The following ROBO2 variants were observed in gnomAD, a reference collection of about 807,000 sequenced individuals.
The protein encoded by ROBO2 is roundabout homolog 2.
ROBO2 carries 53 observed loss-of-function variants against 160.8 expected under a neutral mutation model. The ratio of observed to expected loss-of-function variants is 0.33; its 90% confidence interval spans 0.26 to 0.41. The LOEUF (loss-of-function observed/expected upper bound fraction) is 0.41. Among genes scored for constraint, ROBO2 ranks in the 10% least tolerant of loss-of-function variants. The pLI, the probability that ROBO2 is intolerant of heterozygous loss-of-function variation, is 1.00. For synonymous variants in ROBO2, 664 were observed against 611.7 expected, an observed-to-expected ratio of 1.09 and a Z score of -1.26; for missense variants, 1,577 against 1,722.4, an observed-to-expected ratio of 0.92 and a Z score of 1.49.
chr3:76,270,667 T>C lies in ROBO2; in HGVS notation c.109+333065T>C, dbSNP rs144420334. 2.3e-3 allele frequency among the ~76,000 whole-genome samples: 352 copies of C among 152,054 alleles called. 3 individuals carry two copies. The highest frequency in any genetic ancestry group is 8.1e-3 in the African/African-American group (337 of 41,514). ...ACAAAAGCAATGTTGGATAAATGAG[T>C]AAAACAAATGACAAACCAATGATAC... On this transcript the variant is annotated intron_variant, in intron 2 of 26. Coordinates refer to the ROBO2 transcript ENST00000487694.
chr3:76,300,941 T>C (rs1495572), intron 2 of ROBO2, among the ~76,000 whole-genome samples: 16,127 of 152,092 alleles, frequency 0.11, 1,693 homozygotes, highest in East Asian at 0.41. Context: ...GACATACTCT[T>C]TATCTAAGCA....
intron 2 of ROBO2, among the ~76,000 whole-genome samples, chr3:77,019,603 A>G (rs1050461512): frequency 3.3e-5 from 5 of 152,176 alleles, no homozygotes; most frequent in African/African-American, 1.2e-4. Context: ...CACACAAGGA[A>G]TATGTAGGGA....
At chr3:77,048,275 A>C (rs1460538328) in intron 1 of ROBO2, among the ~76,000 whole-genome samples, 1 of 152,108 alleles carries the variant, frequency 6.6e-6, no homozygotes, top group East Asian at 1.9e-4. Context: ...TCTTCAGGTG[A>C]CTGATTAAGA....
rs141864870 is a variant in ROBO2 at position 77,238,009 on chromosome 3, T to C, written c.388+139669T>C. Among the ~76,000 whole-genome samples the C allele has an allele frequency of 2.3e-3, 345 of 152,340 alleles. 3 individuals are homozygous for C. In the South Asian group the frequency reaches 0.032, roughly 14 times the overall value. On this transcript the variant is annotated intron_variant, in intron 2 of 25. Coordinates refer to ENST00000461745, the Ensembl canonical transcript of ROBO2. Reference sequence around the variant, plus strand: ...ACATATGATATGGAGCATCTTTTCATATGCTTATTTGCCATGTACACATCT... The same window carrying C: ...ACATATGATATGGAGCATCTTTTCACATGCTTATTTGCCATGTACACATCT...
At position 76,207,108 on chromosome 3, in the gene ROBO2, C is replaced by G. The variant is rs1425802975; in HGVS notation, c.109+269506C>G. 3.9e-5 allele frequency among the ~76,000 whole-genome samples: 6 copies of G among 152,258 alleles called. No individual in the cohort carries two copies. The East Asian group carries it at 9.6e-4, about 24-fold the overall frequency. ...CAGAAGCATTTAAGCAGGAAATCAA[C>G]AGTATATTAGACAAGGCTTTAAACC... On this transcript the variant is annotated intron_variant, in intron 2 of 26. Transcript: ENST00000487694.
intron 2 of ROBO2, among the ~76,000 whole-genome samples, chr3:76,188,514 T>A (rs1701864976): frequency 6.6e-6 from 1 of 152,024 alleles, no homozygotes; most frequent in Non-Finnish European, 1.5e-5. Context: ...TTGAGGGATA[T>A]GATGCTGCTG....
chr3:76,304,902 G>C (rs551180047), intron 2 of ROBO2, among the ~76,000 whole-genome samples: 2 of 151,474 alleles, frequency 1.3e-5, no homozygotes, highest in East Asian at 3.9e-4. Flanking sequence ...GCCCTTTCCA[G>C]CACTCAAGCG....
At chr3:75,938,064 A>G (rs1947879283) in intron 2 of ROBO2, among the ~76,000 whole-genome samples, 1 of 151,842 alleles carries the variant, frequency 6.6e-6, no homozygotes, top group Non-Finnish European at 1.5e-5. Context: ...TCAAGAACCT[A>G]TTCTTAAAGG....
At chr3:75,932,399 TTATC>T (rs1315280695) in intron 1 of ROBO2, among the ~76,000 whole-genome samples, 1 of 152,184 alleles carries the variant, frequency 6.6e-6, no homozygotes, top group African/African-American at 2.4e-5. Flanking sequence ...TGAAATCTGT[TTATC>T]TATAATTTTT....
chr3:76,182,688 G>A (rs1701567493), intron 2 of ROBO2, among the ~76,000 whole-genome samples: 1 of 152,094 alleles, frequency 6.6e-6, no homozygotes, highest in Non-Finnish European at 1.5e-5. Flanking sequence ...CCCTTTGAAT[G>A]ACTATAGTAC....
At chr3:77,099,183 T>G (rs2071561089) in intron 2 of ROBO2, among the ~76,000 whole-genome samples, 1 of 150,764 alleles carries the variant, frequency 6.6e-6, no homozygotes. Flanking sequence ...GCGATTCTCC[T>G]GTCTCAGCCT....
chr3:76,106,601 T>A (rs1231432441), intron 2 of ROBO2, among the ~76,000 whole-genome samples: 1 of 152,078 alleles, frequency 6.6e-6, no homozygotes, highest in Non-Finnish European at 1.5e-5. Flanking sequence ...CTCTCTTCCA[T>A]GGCCTCAAAT....
At chr3:76,319,999 AT>A (rs2072383106) in intron 2 of ROBO2, among the ~76,000 whole-genome samples, 1 of 151,974 alleles carries the variant, frequency 6.6e-6, no homozygotes, top group South Asian at 2.1e-4. Flanking sequence ...TTGTGAACCC[AT>A]TTCTTTTTAG....
chr3:76,103,254 G>C (rs1224216049), intron 2 of ROBO2, among the ~76,000 whole-genome samples: 1 of 152,112 alleles, frequency 6.6e-6, no homozygotes, highest in Non-Finnish European at 1.5e-5. Context: ...TCCTACCAGA[G>C]CACTCGCCAC....
At chr3:76,326,686 G>A (rs986062375) in intron 2 of ROBO2, among the ~76,000 whole-genome samples, 4 of 151,198 alleles carry the variant, frequency 2.6e-5, no homozygotes, top group African/African-American at 4.9e-5. Flanking sequence ...AGTTACATAC[G>A]TATACATGTG....
intron 2 of ROBO2, among the ~76,000 whole-genome samples, chr3:76,510,808 C>A (rs913013803): frequency 5.9e-5 from 9 of 152,014 alleles, no homozygotes; most frequent in African/African-American, 2.2e-4. Context: ...AAATGAAGAT[C>A]TTGACTGTAT....
chr3:77,277,177 T>TTTCTTTCTTTCTTTC (rs1560408380), intron 2 of ROBO2, among the ~76,000 whole-genome samples: 3 of 102,512 alleles, frequency 2.9e-5, no homozygotes, highest in Admixed American at 1.1e-4. Context: ...TCTTTCTTTC[T>TTTCTTTCTTTCTTTC]TTCTTTCTTT....
intron 2 of ROBO2, among the ~76,000 whole-genome samples, chr3:76,622,378 T>C (rs2089284878): frequency 6.6e-6 from 1 of 151,926 alleles, no homozygotes; most frequent in Non-Finnish European, 1.5e-5. Flanking sequence ...GGTGGGAGGA[T>C]TGCTTGAGCC....
intron 2 of ROBO2, among the ~76,000 whole-genome samples, chr3:77,304,801 G>A (rs571152643): frequency 1.3e-5 from 2 of 152,308 alleles, no homozygotes; most frequent in South Asian, 4.2e-4. Flanking sequence ...TACAGTGTGT[G>A]TATCTGTGTA....
Sources: allele counts gnomAD v4.1 joint callset (sites outside exome capture counted in the v4.1 genomes callset), GRCh38; gene constraint gnomAD v4.1.1; transcripts MANE v1.5; gene names NCBI Gene and HGNC (gene_info 2026-07-23, HGNC 2026-07-21).